MAML1: variants seen among roughly 807,000 people sequenced by gnomAD.
MAML1 encodes the protein mastermind-like protein 1.
A neutral mutation model predicts 77.1 loss-of-function variants in MAML1; 14 were observed. That is an observed-to-expected ratio of 0.18 (90% CI 0.12 to 0.28). MAML1 has a LOEUF of 0.28. Among genes scored for constraint, MAML1 ranks in the 10% least tolerant of loss-of-function variants. The probability of loss-of-function intolerance (pLI) is 1.00; values close to 1 mark genes in which losing one functional copy is unlikely to be tolerated. For synonymous variants in MAML1, 516 were observed against 551.9 expected, an observed-to-expected ratio of 0.93 and a Z score of 0.91; for missense variants, 1,217 against 1,327.8, an observed-to-expected ratio of 0.92 and a Z score of 1.30.
intron 4 of MAML1, among the ~76,000 whole-genome samples, chr5:179,773,034 G>A (rs547363275): frequency 2.6e-5 from 4 of 152,314 alleles, no homozygotes; most frequent in African/African-American, 7.2e-5. Context: ...GGGGGCGCGC[G>A]CCGCCACGCC....
At position 179,774,170 on chromosome 5, in the gene MAML1, C is replaced by G; in HGVS notation, c.2344C>G (p.Pro782Ala). 2 of 1,613,564 alleles carry G rather than the reference C, an allele frequency of 1.2e-6. No homozygotes were observed. The highest frequency in any genetic ancestry group is 8.5e-7 in the Non-Finnish European group (1 of 1,180,030). ...PQATNGHAHI[P>A]RQTNVGQNTS... ...GGCCACCAATGGACATGCCCACATTCCACGGCAGACCAACGTGGGCCAGAA... is the reference window on the plus strand; with the variant it reads ...GGCCACCAATGGACATGCCCACATTGCACGGCAGACCAACGTGGGCCAGAA... Residue 782 changes from proline to alanine, a missense_variant, in exon 5 of 5, where the codon CCA (proline) becomes GCA (alanine). By Grantham distance (27) the Pro-to-Ala change is conservative (BLOSUM62 -1). This residue lies in a region of MAML1 where 884 missense variants were observed against 949.3 expected (regional missense o/e 0.93). Coordinates refer to ENST00000292599, the MANE Select transcript of MAML1 (RefSeq NM_014757.5).
intron 1 of MAML1, among the ~76,000 whole-genome samples, chr5:179,748,953 T>G (rs1204654859): frequency 8.8e-6 from 1 of 113,112 alleles, no homozygotes; most frequent in African/African-American, 2.7e-5. Flanking sequence ...TGTTTTTGTT[T>G]TTTTTTTTTT....
chr5:179,765,491 C>T lies in MAML1; in HGVS notation c.481C>T (p.Leu161Phe). 4 of 1,614,166 alleles carry T rather than the reference C, an allele frequency of 2.5e-6. No individual in the cohort carries two copies. The highest frequency in any genetic ancestry group is 1.1e-5 in the South Asian group (1 of 91,084). The change falls in exon 2 of 5, where the codon CTC (leucine) becomes TTC (phenylalanine). Residue 161 changes from leucine (L) to phenylalanine (F), a missense_variant. Leu to Phe is a conservative substitution (Grantham distance 22, BLOSUM62 0). Transcript: ENST00000292599. The part of the protein sequence containing the change: ...SSNGLPPASP[L>F]GQSDKPSGAD... Reference sequence around the variant, plus strand: ...CAATGGACTGCCTCCAGCCTCCCCCCTCGGTCAGTCTGACAAGCCTTCTGG... The same window carrying T: ...CAATGGACTGCCTCCAGCCTCCCCCTTCGGTCAGTCTGACAAGCCTTCTGG...
intron 1 of MAML1, among the ~76,000 whole-genome samples, chr5:179,764,411 A>G (rs1489243982): frequency 2.6e-5 from 4 of 152,182 alleles, no homozygotes; most frequent in Non-Finnish European, 5.9e-5. Context: ...CTGTAATCCC[A>G]GCCCTTTGGG....
At chr5:179,741,456 G>C (rs1779282334) in intron 1 of MAML1, among the ~76,000 whole-genome samples, 1 of 152,098 alleles carries the variant, frequency 6.6e-6, no homozygotes, top group Non-Finnish European at 1.5e-5. Context: ...AGGCTGAGGT[G>C]GGCGGATCAC....
At position 179,766,265 on chromosome 5, in the gene MAML1, A is replaced by G; in HGVS notation, c.1255A>G (p.Thr419Ala). ...GATGCTCCAGAACCCACAGCAGGCC[A>G]CCCCGGCACCAGCCCCGGGCCAGAT... is the stretch of plus-strand genomic sequence containing the variant. ...EQMLQNPQQATPAPAPGQMST... is the reference protein window; with the variant it reads ...EQMLQNPQQAAPAPAPGQMST... The change falls in exon 2 of 5, where the codon ACC becomes GCC. Residue 419 changes from threonine to alanine, a missense_variant. Coordinates refer to ENST00000292599, the MANE Select transcript of MAML1 (RefSeq NM_014757.5). The surrounding 1 kb of genome is among the most constrained non-coding windows in gnomAD (Gnocchi z 4.0). 1 of 1,613,090 alleles carries G rather than the reference A, an allele frequency of 6.2e-7. No homozygotes were observed. The highest frequency in any genetic ancestry group is 8.5e-7 in the Non-Finnish European group (1 of 1,179,762).
At chr5:179,753,238 C>T (rs1006027643) in intron 1 of MAML1, among the ~76,000 whole-genome samples, 168 of 151,110 alleles carry the variant, frequency 1.1e-3, no homozygotes, top group African/African-American at 2.4e-3. Flanking sequence ...CGCGCGCGCG[C>T]GTGCTGGGGT....
At chr5:179,753,662 T>A (rs1282487704) in intron 1 of MAML1, among the ~76,000 whole-genome samples, 2,121 of 136,466 alleles carry the variant, frequency 0.016, 48 homozygotes, top group African/African-American at 0.053. Flanking sequence ...TTATTTTTTT[T>A]TTTTTTTTTT....
At position 179,765,796 on chromosome 5, in the gene MAML1, G is replaced by A. The variant is rs1388193041; in HGVS notation, c.786G>A (p.Val262=). 6.2e-7 allele frequency: 1 copy of A among 1,614,220 alleles called. No homozygotes were observed. The highest frequency in any genetic ancestry group is 1.7e-5 in the Admixed American group (1 of 60,024). Residue 262 remains valine, a synonymous_variant, in exon 2 of 5, where the codon GTG becomes GTA. Transcript: ENST00000292599. ...KELIEELNRS[V]PDEDMKDLFN... is the part of the protein sequence containing the mutation. ...TCATCGAGGAGCTGAACAGGTCGGT[G>A]CCCGATGAAGACATGAAGGACCTGT...
At chr5:179,750,946 C>T (rs1779475949) in intron 1 of MAML1, among the ~76,000 whole-genome samples, 1 of 152,146 alleles carries the variant, frequency 6.6e-6, no homozygotes, top group Non-Finnish European at 1.5e-5. Context: ...CTTCCCTTAT[C>T]TTCAGTGCTG....
chr5:179,772,783 C>G (rs1430664541), intron 4 of MAML1, among the ~76,000 whole-genome samples: 3 of 152,166 alleles, frequency 2.0e-5, no homozygotes, highest in South Asian at 2.1e-4. Flanking sequence ...CCTCCACCCC[C>G]CATTCCCACA....
chr5:179,770,134 A>T (rs1320461481), intron 3 of MAML1, among the ~76,000 whole-genome samples: 1 of 152,100 alleles, frequency 6.6e-6, no homozygotes, highest in Non-Finnish European at 1.5e-5. Flanking sequence ...CCAGCTCCTG[A>T]TCTACTTTCT....
intron 1 of MAML1, among the ~76,000 whole-genome samples, chr5:179,750,661 G>A (rs756813631): frequency 7.2e-5 from 11 of 152,088 alleles, no homozygotes; most frequent in South Asian, 4.1e-4. Context: ...GGGTCTTGCC[G>A]TGTTCCCCAG....
rs1179859782 is a variant in MAML1, at chr5:179,777,107, A to G, written c.*2230A>G. The G allele has an allele frequency of 3.0e-6, 3 of 985,614 alleles. No individual in the cohort carries two copies. The highest frequency in any genetic ancestry group is 4.7e-5 in the South Asian group (1 of 21,286). The allele number at this position is 985,614 out of a possible 1,614,324, so 61.1% of individuals were successfully genotyped here. ...ATATGTGTGTTTTGGGGGAGCTATG[A>G]TAAGTTTTATGGCAAACGGTTGGTA... On this transcript the variant is annotated 3_prime_UTR_variant, in exon 5 of 5. Transcript: ENST00000292599.
chr5:179,774,566 G>C lies in MAML1; in HGVS notation c.2740G>C (p.Ala914Pro). Residue 914 changes from alanine (A) to proline (P), a missense_variant, in exon 5 of 5, where the codon GCC (alanine) becomes CCC (proline). By Grantham distance (27) the Ala-to-Pro change is conservative. Around this residue, in one of 3 missense-constraint regions of MAML1, gnomAD observed 884 missense variants for 949.3 expected, o/e 0.93. Coordinates refer to ENST00000292599, the MANE Select transcript of MAML1 (RefSeq NM_014757.5). ...PPVSAQQRTS[A>P]PAPAPPPTAP... ...AGTGAGTGCACAGCAGAGGACCAGC[G>C]CCCCTGCCCCAGCACCACCCCCAAC... is the stretch of plus-strand genomic sequence containing the variant. 1 of 1,612,602 alleles carries C rather than the reference G, an allele frequency of 6.2e-7. No individual in the cohort carries two copies. The highest frequency in any genetic ancestry group is 8.5e-7 in the Non-Finnish European group (1 of 1,179,814).
intron 3 of MAML1, among the ~76,000 whole-genome samples, chr5:179,770,580 C>A (rs768299862): frequency 6.6e-6 from 1 of 152,124 alleles, no homozygotes; most frequent in Admixed American, 6.6e-5. Context: ...TTTATTCATT[C>A]GTCTGTTCAT....
intron 1 of MAML1, among the ~76,000 whole-genome samples, chr5:179,758,055 G>A (rs1475894393): frequency 6.6e-6 from 1 of 152,178 alleles, no homozygotes; most frequent in Non-Finnish European, 1.5e-5. Flanking sequence ...GGGTGCACAG[G>A]ACCTCTCTGT....
Position 179,776,172 on chromosome 5 carries a change from T to TGA in MAML1, c.*1298_*1299dup. On this transcript the variant is annotated 3_prime_UTR_variant, in exon 5 of 5. Coordinates refer to ENST00000292599, the MANE Select transcript of MAML1 (RefSeq NM_014757.5). Reference sequence around the variant, plus strand: ...CGAAAGCAAAGTGGTAAGCACAGGGTGAGACCCTTTTACACAGAATGGTGG... The same window carrying TGA: ...CGAAAGCAAAGTGGTAAGCACAGGGTGAGAGACCCTTTTACACAGAATGGTGG... The TGA allele has an allele frequency of 1.0e-6, 1 of 985,860 alleles. No homozygotes were observed. Among genetic ancestry groups the TGA allele is most frequent in the Non-Finnish European group, 1.2e-6 (1 of 829,934 alleles). The allele number at this position is 985,860 out of a possible 1,614,324, so 61.1% of individuals were successfully genotyped here. A position where few individuals can be genotyped will look rare whatever the true frequency, so the allele number is the denominator to read the frequency against.
intron 1 of MAML1, among the ~76,000 whole-genome samples, chr5:179,740,641 G>A (rs1445228905): frequency 6.6e-6 from 1 of 152,020 alleles, no homozygotes; most frequent in Non-Finnish European, 1.5e-5. Flanking sequence ...GTGTGGATAG[G>A]AGTGGATGCA....
Sources: allele counts gnomAD v4.1 joint callset (sites outside exome capture counted in the v4.1 genomes callset), GRCh38; gene constraint gnomAD v4.1.1; regional missense constraint gnomAD v4.1.1; non-coding constraint Gnocchi (gnomAD v3.1); transcripts MANE v1.5; gene names NCBI Gene and HGNC (gene_info 2026-07-23, HGNC 2026-07-21).